TMEM68: variants seen among roughly 807,000 people sequenced by gnomAD.
TMEM68 encodes DGAT1/2-independent enzyme synthesizing storage lipids.
In TMEM68, 25 loss-of-function variants were observed where a neutral mutation model predicts 36.9. The observed-to-expected ratio is 0.68, with a 90% CI of 0.49 to 0.95. TMEM68 has a LOEUF of 0.95. Among genes scored for constraint, TMEM68 ranks in the 40% least tolerant of loss-of-function variants. The pLI, the probability that TMEM68 is intolerant of heterozygous loss-of-function variation, is 0.00. For synonymous variants in TMEM68, 131 were observed against 124.4 expected (o/e 1.05, Z -0.35); for missense variants, 333 against 392.0 (o/e 0.85, Z 1.27).
At chr8:55,752,019 G>T (rs1810438140) in intron 4 of TMEM68, among the ~76,000 whole-genome samples, 1 of 152,100 alleles carries the variant, frequency 6.6e-6, no homozygotes, top group Non-Finnish European at 1.5e-5. Context: ...GACCAGCCTG[G>T]CCAATGTGGT....
Position 55,749,869 on chromosome 8 carries a change from TA to T in TMEM68, c.687+1094del, listed in dbSNP as rs780171127. Among the ~76,000 whole-genome samples the T allele has an allele frequency of 3.6e-3, 554 of 152,342 alleles. 2 individuals carry two copies. Among genetic ancestry groups the T allele is most frequent in the Non-Finnish European group, 6.6e-3 (450 of 68,030 alleles). ...TAAAGTTTTATATAAAAATCTCAATTAAATTATCTAGTTTATTTAAATTAAT... is the reference window on the plus strand; with the variant it reads ...TAAAGTTTTATATAAAAATCTCAATTAATTATCTAGTTTATTTAAATTAAT... On this transcript the variant is annotated intron_variant, in intron 5 of 7. Transcript: ENST00000434581.
intron 5 of TMEM68, among the ~76,000 whole-genome samples, chr8:55,748,373 T>C (rs1388401440): frequency 6.6e-6 from 1 of 152,174 alleles, no homozygotes; most frequent in Non-Finnish European, 1.5e-5. Flanking sequence ...AGTTTGACCA[T>C]GTTGGCCAGG....
intron 4 of TMEM68, among the ~76,000 whole-genome samples, chr8:55,753,022 C>T (rs1160222069): frequency 6.6e-6 from 1 of 152,198 alleles, no homozygotes; most frequent in East Asian, 1.9e-4. Context: ...TGAGCCATGG[C>T]ACCCACCCTA....
chr8:55,751,971 GAA>G (rs552346751), intron 4 of TMEM68, among the ~76,000 whole-genome samples: 51 of 152,278 alleles, frequency 3.3e-4, no homozygotes, highest in African/African-American at 1.2e-3. Context: ...CACTTTGGGA[GAA>G]AGAGGCAGGT....
At chr8:55,742,965 T>C (rs1810149714) in intron 7 of TMEM68, among the ~76,000 whole-genome samples, 1 of 152,136 alleles carries the variant, frequency 6.6e-6, no homozygotes, top group African/African-American at 2.4e-5. Context: ...TCACACAAAT[T>C]TACTTGTTCT....
At chr8:55,762,585 A>G in intron 3 of TMEM68, 50 bp downstream of exon 3, 1 of 1,610,674 alleles carries the variant, frequency 6.2e-7, no homozygotes, top group South Asian at 1.1e-5. Flanking sequence ...ACACAGTTCC[A>G]ATGCAGCACA....
At chr8:55,751,291 A>G (rs186651372) in intron 4 of TMEM68, 134 bp from the exon 5 acceptor site, 4 of 769,818 alleles carry the variant, frequency 5.2e-6, no homozygotes, top group Non-Finnish European at 4.0e-6. Flanking sequence ...TAAAATCAAC[A>G]AAAACTCTAA....
chr8:55,754,162 G>A (rs1397218784), intron 4 of TMEM68, among the ~76,000 whole-genome samples: 1 of 140,066 alleles, frequency 7.1e-6, no homozygotes, highest in Non-Finnish European at 1.5e-5. Flanking sequence ...ATGGTGGCTC[G>A]TGCCTATAAT....
chr8:55,767,625 G>A (rs1241115879), intron 1 of TMEM68, among the ~76,000 whole-genome samples: 1 of 152,048 alleles, frequency 6.6e-6, no homozygotes, highest in Non-Finnish European at 1.5e-5. Context: ...GATCCCTCCA[G>A]GGAACGAATA....
At chr8:55,761,434 A>G (rs867409428) in intron 3 of TMEM68, 31 of 151,968 alleles carry the variant, frequency 2.0e-4, no homozygotes, top group African/African-American at 6.3e-4. Flanking sequence ...CTCCCTCAAG[A>G]CTCTACACTC....
At chr8:55,746,317 C>CG (rs1554551775) in intron 5 of TMEM68, 1 of 57,184 alleles carries the variant, frequency 1.7e-5, no homozygotes, top group South Asian at 1.1e-3. Context: ...CACTGTCTCC[C>CG]AAAAAAAAAA....
chr8:55,765,285 A>G (rs1007408759), intron 1 of TMEM68, among the ~76,000 whole-genome samples: 1 of 152,104 alleles, frequency 6.6e-6, no homozygotes, highest in African/African-American at 2.4e-5. Flanking sequence ...ATGAGCCACA[A>G]AATTCCTTCT....
chr8:55,760,335 C>A (rs968773879), intron 3 of TMEM68, among the ~76,000 whole-genome samples: 3 of 152,202 alleles, frequency 2.0e-5, no homozygotes, highest in African/African-American at 7.2e-5. Flanking sequence ...TCAGACACAC[C>A]ATTACAGACC....
At chr8:55,759,498 G>A (rs536347780) in intron 3 of TMEM68, among the ~76,000 whole-genome samples, 1 of 152,100 alleles carries the variant, frequency 6.6e-6, no homozygotes, top group African/African-American at 2.4e-5. Flanking sequence ...TCGAACTTGG[G>A]AGGCGGAGGT....
rs1301157501 is a variant in TMEM68 at position 55,745,118 on chromosome 8, T to C, written c.691A>G (p.Ile231Val). 3 of 1,488,110 alleles carry C rather than the reference T, an allele frequency of 2.0e-6. No homozygotes were observed. The highest frequency in any genetic ancestry group is 2.7e-6 in the Non-Finnish European group (3 of 1,119,790). The allele number at this position is 1,488,110 out of a possible 1,614,324, so 92.2% of individuals were successfully genotyped here. Residue 231 changes from isoleucine (I) to valine (V), a missense_variant, in exon 6 of 8, where the codon ATT becomes GTT. By Grantham distance (29) the Ile-to-Val change is conservative. Transcript: ENST00000434581. ...AQVAIDAKVPIIPMFTQNIRE... is the reference protein window; with the variant it reads ...AQVAIDAKVPVIPMFTQNIRE... Reference sequence around the variant, plus strand: ...ATATTTTGTGTAAACATAGGAATAATGGGCTAAAGAAAAGGAGAATTTGAA... The same window carrying C: ...ATATTTTGTGTAAACATAGGAATAACGGGCTAAAGAAAAGGAGAATTTGAA...
In TMEM68 at chr8:55,771,896, C is replaced by G. The variant is rs144257583; in HGVS notation, c.-115+1373G>C. ...TGTCAAGATAGCTGGTAAATCTAAT[C>G]CTTTTAGCTTTAATACTTTTTTTAT... On this transcript the variant is annotated intron_variant, in intron 1 of 7. Transcript: ENST00000434581. 3.9e-5 allele frequency among the ~76,000 whole-genome samples: 6 copies of G among 152,264 alleles called. No individual in the cohort carries two copies. The East Asian group carries it at 1.2e-3, about 29-fold the overall frequency.
At chr8:55,766,155 A>G (rs1810957024) in intron 1 of TMEM68, among the ~76,000 whole-genome samples, 3 of 152,132 alleles carry the variant, frequency 2.0e-5, no homozygotes, top group Non-Finnish European at 4.4e-5. Context: ...GCTATGTTAT[A>G]TAAGGCATTC....
At chr8:55,740,621 G>A (rs886323304) in intron 7 of TMEM68, among the ~76,000 whole-genome samples, 8 of 152,094 alleles carry the variant, frequency 5.3e-5, no homozygotes, top group African/African-American at 1.9e-4. Context: ...AACACTAAAG[G>A]GGACTTAAAG....
chr8:55,759,797 A>G (rs1810727551), intron 3 of TMEM68, among the ~76,000 whole-genome samples: 1 of 152,192 alleles, frequency 6.6e-6, no homozygotes, highest in Non-Finnish European at 1.5e-5. Context: ...AAAAACAAAC[A>G]TGATTTTGTA....
Sources: allele counts gnomAD v4.1 joint callset (sites outside exome capture counted in the v4.1 genomes callset), GRCh38; gene constraint gnomAD v4.1.1; transcripts MANE v1.5; gene names NCBI Gene and HGNC (gene_info 2026-07-23, HGNC 2026-07-21).